The following SH3KBP1 variants were observed in gnomAD, a reference collection of about 807,000 sequenced individuals.
SH3KBP1 encodes SH3 domain containing kinase binding protein 1.
A neutral mutation model predicts 50.1 loss-of-function variants in SH3KBP1; 8 were observed. The ratio of observed to expected loss-of-function variants is 0.16; its 90% CI spans 0.09 to 0.29. The LOEUF (loss-of-function observed/expected upper bound fraction) is 0.29. Ranked by LOEUF, SH3KBP1 falls within the 10% of genes least tolerant of loss-of-function variation. The probability of loss-of-function intolerance (pLI) is 1.00; values close to 1 mark genes in which losing one functional copy is unlikely to be tolerated. For missense variants in SH3KBP1, 377 were observed against 535.2 expected (o/e 0.70, Z 2.92); for synonymous variants, 227 against 218.6 (o/e 1.04, Z -0.34).
chrX:19,800,098 C>T (rs1327715946), intron 2 of SH3KBP1, among the ~76,000 whole-genome samples: 1 of 111,559 alleles, frequency 9.0e-6, no homozygotes, highest in Admixed American at 9.5e-5. Context: ...CAGAAGAGGA[C>T]ATGCACGGGA....
At chrX:19,551,219 A>T (rs1333277044) in intron 13 of SH3KBP1, among the ~76,000 whole-genome samples, 1 of 112,063 alleles carries the variant, frequency 8.9e-6, no homozygotes, top group African/African-American at 3.2e-5. Flanking sequence ...CTAGCACCTG[A>T]TGATAACTCC....
At chrX:19,668,974 A>ATATATTTT (rs1491195501) in intron 6 of SH3KBP1, among the ~76,000 whole-genome samples, 19 of 63,895 alleles carry the variant, frequency 3.0e-4, no homozygotes, top group Non-Finnish European at 5.6e-4. Flanking sequence ...ATATATATAT[A>ATATATTTT]TTTTTTGAGA....
intron 13 of SH3KBP1, among the ~76,000 whole-genome samples, chrX:19,553,530 G>A (rs1249763250): frequency 1.8e-5 from 2 of 110,567 alleles, no homozygotes; most frequent in Non-Finnish European, 3.8e-5. Flanking sequence ...AAAGGAACAA[G>A]CGAACAAATG....
chrX:19,706,016 T>C (rs2148671076), intron 4 of SH3KBP1, among the ~76,000 whole-genome samples: 1 of 111,703 alleles, frequency 9.0e-6, no homozygotes, highest in South Asian at 3.7e-4. Flanking sequence ...CATTAGGTTA[T>C]GTATGAGAGC....
At chrX:19,794,531 G>A (rs1161232265) in intron 2 of SH3KBP1, among the ~76,000 whole-genome samples, 2 of 110,512 alleles carry the variant, frequency 1.8e-5, no homozygotes, top group African/African-American at 6.6e-5. Context: ...GTGAAACCCC[G>A]TCTCTACTAA....
At position 19,636,933 on chromosome X, in the gene SH3KBP1, T is replaced by C. The variant is rs191123063; in HGVS notation, c.803-4975A>G. ...TACCAGGTCACACCTAAAACTGGAG[T>C]TTTCCTTTCCCTTGGGACAGTACAA... On this transcript the variant is annotated intron_variant, in intron 7 of 17. Transcript: ENST00000397821. 1.5e-3 allele frequency among the ~76,000 whole-genome samples: 172 copies of C among 111,829 alleles called. 1 individual carries two copies. The highest frequency in any genetic ancestry group is 4.8e-3 in the African/African-American group (148 of 30,742).
At chrX:19,596,942 A>C (rs1308196232) in intron 9 of SH3KBP1, among the ~76,000 whole-genome samples, 3 of 111,562 alleles carry the variant, frequency 2.7e-5, no homozygotes, top group Non-Finnish European at 5.6e-5. Context: ...TGAGGGTTGG[A>C]ATCAACTTCT....
intron 2 of SH3KBP1, among the ~76,000 whole-genome samples, chrX:19,796,331 T>A (rs1490008385): frequency 2.7e-5 from 3 of 111,769 alleles, no homozygotes; most frequent in Non-Finnish European, 5.6e-5. Context: ...TTTTGCTATC[T>A]CTAAAATGGT....
At chrX:19,875,093 A>G (rs1432809712) in intron 1 of SH3KBP1, among the ~76,000 whole-genome samples, 1 of 110,795 alleles carries the variant, frequency 9.0e-6, no homozygotes, top group Non-Finnish European at 1.9e-5. Context: ...TGTTTTTTAC[A>G]ATGTCTACAT....
intron 1 of SH3KBP1, among the ~76,000 whole-genome samples, chrX:19,855,580 G>C (rs1229099884): frequency 1.8e-5 from 2 of 111,741 alleles, no homozygotes; most frequent in Non-Finnish European, 3.8e-5. Flanking sequence ...TTAAGAGAAA[G>C]GACCAGGTAT....
chrX:19,737,279 C>T (rs1385197186), intron 3 of SH3KBP1, among the ~76,000 whole-genome samples: 1 of 111,158 alleles, frequency 9.0e-6, no homozygotes, highest in Non-Finnish European at 1.9e-5. Context: ...GAGGCTCCCA[C>T]GTGGGGCTTA....
chrX:19,683,292 G>A (rs1482395135), intron 6 of SH3KBP1: 1 of 366,704 alleles, frequency 2.7e-6, no homozygotes, highest in Non-Finnish European at 5.3e-6. Flanking sequence ...GAACAACCCA[G>A]GGAGTCACAG....
intron 6 of SH3KBP1, among the ~76,000 whole-genome samples, chrX:19,666,705 G>A (rs752750013): frequency 8.9e-6 from 1 of 111,769 alleles, no homozygotes; most frequent in Non-Finnish European, 1.9e-5. Flanking sequence ...TAACAAGTGA[G>A]GACATGGAGA....
chrX:19,588,224 G>A, intron 12 of SH3KBP1: 2 of 617,538 alleles, frequency 3.2e-6, no homozygotes, highest in Non-Finnish European at 4.6e-6. Flanking sequence ...GCCCTGCAGA[G>A]CAGTGAGGGT....
At chrX:19,862,483 A>G (rs60882098) in intron 1 of SH3KBP1, among the ~76,000 whole-genome samples, 6,035 of 111,181 alleles carry the variant, frequency 0.054, 381 homozygotes, top group African/African-American at 0.18. Context: ...CAGTTATTTC[A>G]CCATTCTTCC....
At position 19,691,350 on chromosome X, in the gene SH3KBP1, C is replaced by A. The variant is rs868089271; in HGVS notation, c.520+4262G>T. 7.0e-3 allele frequency among the ~76,000 whole-genome samples: 655 copies of A among 93,568 alleles called. 5 individuals carry two copies. The highest frequency in any genetic ancestry group is 0.019 in the African/African-American group (441 of 23,135). 81.3% of individuals were successfully genotyped at this position (93,568 alleles called of 115,157 possible). On this transcript the variant is annotated intron_variant, in intron 5 of 17. Coordinates refer to ENST00000397821, the MANE Select transcript of SH3KBP1 (RefSeq NM_031892.3). ...GCTCTCTCTCTCTCTCTCTCTCTCT[C>A]TCTCTCTATATATATATATATCTTT...
At chrX:19,784,815 G>A (rs1429017903) in intron 2 of SH3KBP1, among the ~76,000 whole-genome samples, 2 of 110,258 alleles carry the variant, frequency 1.8e-5, no homozygotes, top group African/African-American at 3.3e-5. Flanking sequence ...CACCACGTGG[G>A]CCAGGCTGGT....
In SH3KBP1 at chrX:19,771,598, T is replaced by G. The variant is rs760863804; in HGVS notation, c.163-25157A>C. Among the ~76,000 whole-genome samples, 9 of 111,820 alleles carry G rather than the reference T, an allele frequency of 8.0e-5. No individual in the cohort carries two copies. In the East Asian group the frequency reaches 2.5e-3, roughly 31 times the overall value. On this transcript the variant is annotated intron_variant, in intron 2 of 17. Transcript: ENST00000397821. ...ATTGGTTACAGCTGGGCACGGTGGC[T>G]CATGCCTGTAATTCCAGCACTTTGG...
At chrX:19,870,221 GAAGA>G (rs1305787733) in intron 1 of SH3KBP1, among the ~76,000 whole-genome samples, 3 of 112,651 alleles carry the variant, frequency 2.7e-5, no homozygotes, top group African/African-American at 9.7e-5. Context: ...TCTTAAAAAA[GAAGA>G]AAGATGATTT....
Sources: allele counts gnomAD v4.1 joint callset (sites outside exome capture counted in the v4.1 genomes callset), GRCh38; gene constraint gnomAD v4.1.1; transcripts MANE v1.5; gene names NCBI Gene and HGNC (gene_info 2026-07-23, HGNC 2026-07-21).